DPYD: variants seen among roughly 807,000 people sequenced by gnomAD.
DPYD encodes the protein dihydropyrimidine dehydrogenase, also known as dihydropyrimidine dehydrogenase [NADP(+)].
A neutral mutation model predicts 116.2 loss-of-function variants in DPYD; 109 were observed. That is an observed-to-expected ratio of 0.94 (90% CI 0.80 to 1.10). The LOEUF (loss-of-function observed/expected upper bound fraction) is 1.10, where lower values mean the gene tolerates loss of function less well. Ranked by LOEUF, DPYD falls within the 50% of genes least tolerant of loss-of-function variation. The pLI is 0.00. For missense variants in DPYD, 1,302 were observed against 1,254.5 expected (o/e 1.04, Z -0.57); for synonymous variants, 440 against 432.0 (o/e 1.02, Z -0.23).
intron 3 of DPYD, among the ~76,000 whole-genome samples, chr1:97,805,524 T>C (rs565489580): frequency 9.6e-4 from 146 of 151,952 alleles, no homozygotes; most frequent in Admixed American, 2.6e-3. Flanking sequence ...ATGACTTTGA[T>C]TACCAAAACA....
chr1:97,548,828 C>T (rs1386010360), intron 12 of DPYD, among the ~76,000 whole-genome samples: 3 of 152,118 alleles, frequency 2.0e-5, no homozygotes, highest in African/African-American at 7.2e-5. Flanking sequence ...CACTTAGGTG[C>T]ATAGAATTTG....
intron 8 of DPYD, among the ~76,000 whole-genome samples, chr1:97,676,210 T>C (rs973255200): frequency 6.6e-6 from 1 of 152,172 alleles, no homozygotes; most frequent in Non-Finnish European, 1.5e-5. Context: ...TCTCAATATC[T>C]GTCATCCCCT....
chr1:97,433,178 C>T (rs1477173017), intron 14 of DPYD, among the ~76,000 whole-genome samples: 1 of 152,150 alleles, frequency 6.6e-6, no homozygotes, highest in Non-Finnish European at 1.5e-5. Context: ...CCTGCCTTAG[C>T]CTTCAGCAGA....
intron 2 of DPYD, among the ~76,000 whole-genome samples, chr1:97,875,999 G>A (rs1435609338): frequency 2.0e-5 from 3 of 151,960 alleles, no homozygotes; most frequent in Non-Finnish European, 4.4e-5. Flanking sequence ...AAATCAAGAT[G>A]TCATAGGCAA....
At chr1:97,633,466 T>C (rs758943876) in intron 8 of DPYD, among the ~76,000 whole-genome samples, 24 of 151,950 alleles carry the variant, frequency 1.6e-4, no homozygotes, top group Admixed American at 5.3e-4. Flanking sequence ...AATGGGAACC[T>C]AGAGAGAGTG....
intron 8 of DPYD, among the ~76,000 whole-genome samples, chr1:97,601,959 T>C (rs2102279918): frequency 6.6e-6 from 1 of 152,144 alleles, no homozygotes; most frequent in East Asian, 1.9e-4. Flanking sequence ...CTATACTCTT[T>C]CTCTAAATGT....
At chr1:97,750,671 C>T (rs991295683) in intron 3 of DPYD, among the ~76,000 whole-genome samples, 3 of 152,254 alleles carry the variant, frequency 2.0e-5, no homozygotes, top group African/African-American at 7.2e-5. Flanking sequence ...CAAAGCCTTA[C>T]AAAGAATTCA....
chr1:97,812,026 A>G (rs1201789716), intron 3 of DPYD, among the ~76,000 whole-genome samples: 2 of 152,184 alleles, frequency 1.3e-5, no homozygotes, highest in Non-Finnish European at 2.9e-5. Context: ...CAGTTATTAT[A>G]TAGCTGTGAC....
At chr1:97,803,693 A>G (rs1184286087) in intron 3 of DPYD, among the ~76,000 whole-genome samples, 2 of 152,022 alleles carry the variant, frequency 1.3e-5, no homozygotes, top group East Asian at 3.9e-4. Flanking sequence ...TGATTATTAA[A>G]TGAAATATGG....
chr1:97,810,950 C>T (rs550261652), intron 3 of DPYD, among the ~76,000 whole-genome samples: 4 of 152,138 alleles, frequency 2.6e-5, no homozygotes, highest in Admixed American at 6.5e-5. Flanking sequence ...CAATGTAACT[C>T]CGTACCCTCT....
At chr1:97,792,163 G>A (rs1324027775) in intron 3 of DPYD, among the ~76,000 whole-genome samples, 1 of 152,152 alleles carries the variant, frequency 6.6e-6, no homozygotes, top group East Asian at 1.9e-4. Context: ...CACAAGGAAG[G>A]ACAGTGCAGT....
intron 2 of DPYD, among the ~76,000 whole-genome samples, chr1:97,834,026 C>A (rs1571437207): frequency 6.6e-6 from 1 of 151,850 alleles, no homozygotes; most frequent in Non-Finnish European, 1.5e-5. Context: ...CATCTATGGC[C>A]CAACGTCTAT....
chr1:97,117,941 A>T (rs1328383649), intron 20 of DPYD, among the ~76,000 whole-genome samples: 1 of 152,026 alleles, frequency 6.6e-6, no homozygotes, highest in Non-Finnish European at 1.5e-5. Context: ...ACAAGAAATT[A>T]CTCCTCTCTC....
chr1:97,194,230 G>A, intron 19 of DPYD, among the ~76,000 whole-genome samples: 1 of 152,104 alleles, frequency 6.6e-6, no homozygotes, highest in Non-Finnish European at 1.5e-5. Context: ...GCAGTAGGAG[G>A]GACCTGGTGG....
At chr1:97,492,440 A>T (rs1398096784) in intron 13 of DPYD, among the ~76,000 whole-genome samples, 7 of 152,266 alleles carry the variant, frequency 4.6e-5, no homozygotes, top group African/African-American at 1.7e-4. Context: ...CTCCCTATTC[A>T]CATAACACAA....
intron 12 of DPYD, among the ~76,000 whole-genome samples, chr1:97,521,937 A>T (rs1024542671): frequency 6.6e-6 from 1 of 152,230 alleles, no homozygotes; most frequent in Non-Finnish European, 1.5e-5. Flanking sequence ...TAAATGTAAG[A>T]CCTAAAACCA....
At chr1:97,346,079 T>C (rs972750884) in intron 16 of DPYD, among the ~76,000 whole-genome samples, 7 of 151,914 alleles carry the variant, frequency 4.6e-5, no homozygotes, top group African/African-American at 1.7e-4. Context: ...AAAGAACATA[T>C]AATTTAGTAT....
chr1:97,457,559 T>C (rs1009018417), intron 13 of DPYD, among the ~76,000 whole-genome samples: 1 of 152,122 alleles, frequency 6.6e-6, no homozygotes, highest in Non-Finnish European at 1.5e-5. Flanking sequence ...AGTTGTAGGA[T>C]AGTAAATGAA....
At chr1:97,256,653 C>A (rs1398695654) in intron 18 of DPYD, among the ~76,000 whole-genome samples, 1 of 152,070 alleles carries the variant, frequency 6.6e-6, no homozygotes, top group Non-Finnish European at 1.5e-5. Flanking sequence ...TATAAATTAT[C>A]CAGTCTCAGG....
Sources: allele counts gnomAD v4.1 joint callset (sites outside exome capture counted in the v4.1 genomes callset), GRCh38; gene constraint gnomAD v4.1.1; transcripts MANE v1.5; gene names NCBI Gene and HGNC (gene_info 2026-07-23, HGNC 2026-07-21).